The following RAPGEF5 variants were observed in gnomAD, a reference collection of about 807,000 sequenced individuals.
RAPGEF5 encodes the protein Rap guanine nucleotide exchange factor 5.
Under a neutral mutation model 125.2 loss-of-function variants are expected in RAPGEF5, and 65 were observed. That is an observed-to-expected ratio of 0.52 (90% CI 0.43 to 0.64). The LOEUF (loss-of-function observed/expected upper bound fraction) is 0.64, where lower values mean the gene tolerates loss of function less well. Ranked by LOEUF, RAPGEF5 falls within the 30% of genes least tolerant of loss-of-function variation. The pLI is 0.00. For synonymous variants in RAPGEF5, 391 were observed against 385.9 expected (o/e 1.01, Z -0.16); for missense variants, 958 against 1,048.1 (o/e 0.91, Z 1.19).
Position 22,344,203 on chromosome 7 carries a change from C to T in RAPGEF5, c.231+12627G>A, listed in dbSNP as rs529748528. The stretch of plus-strand genomic sequence containing the variant: ...GCCTTGCCATCATACTTGCCAGTGC[C>T]CATTCTGTTCACGAGTTTCTTCTCA... On this transcript the variant is annotated intron_variant, in intron 1 of 25. Coordinates refer to ENST00000665637, the MANE Select transcript of RAPGEF5 (RefSeq NM_012294.5). 3.3e-5 allele frequency among the ~76,000 whole-genome samples: 5 copies of T among 152,244 alleles called. No homozygotes were observed. In the East Asian group the frequency reaches 5.8e-4, roughly 18 times the overall value.
At chr7:22,249,284 C>G (rs1297970865) in intron 7 of RAPGEF5, among the ~76,000 whole-genome samples, 2 of 152,116 alleles carry the variant, frequency 1.3e-5, no homozygotes. Flanking sequence ...CTCAGCGTCC[C>G]AGGTTTCAAG....
chr7:22,145,760 T>C (rs1326407234), intron 19 of RAPGEF5, among the ~76,000 whole-genome samples: 1 of 152,170 alleles, frequency 6.6e-6, no homozygotes, highest in Non-Finnish European at 1.5e-5. Flanking sequence ...TTCTAACAAG[T>C]GCCCAAGTCC....
At chr7:22,209,523 AC>A (rs1180401817) in intron 9 of RAPGEF5, among the ~76,000 whole-genome samples, 1 of 152,030 alleles carries the variant, frequency 6.6e-6, no homozygotes, top group Non-Finnish European at 1.5e-5. Context: ...CTTCCCCCCC[AC>A]CATTTTTAGA....
intron 17 of RAPGEF5, among the ~76,000 whole-genome samples, chr7:22,150,983 T>C (rs138493263): frequency 2.7e-3 from 407 of 152,372 alleles, no homozygotes; most frequent in African/African-American, 8.6e-3. Flanking sequence ...CATAGTTTTA[T>C]ATTCTCATAT....
intron 17 of RAPGEF5, 117 bp from the exon 18 acceptor site, chr7:22,150,621 A>G: frequency 7.4e-7 from 1 of 1,345,526 alleles, no homozygotes; most frequent in Non-Finnish European, 9.7e-7. Context: ...CTTAAAAGTA[A>G]ATAGAACTTA....
intron 7 of RAPGEF5, among the ~76,000 whole-genome samples, chr7:22,262,732 C>T (rs1562495355): frequency 6.6e-6 from 1 of 151,942 alleles, no homozygotes; most frequent in African/African-American, 2.4e-5. Flanking sequence ...ATTCATGCCA[C>T]GGAACACTAT....
rs1783568513 is a variant in RAPGEF5 at position 22,315,436 on chromosome 7, C to T, written c.323G>A (p.Arg108Lys). Residue 108 changes from arginine to lysine, a missense_variant, in exon 3 of 26, where the codon AGG becomes AAG. Physicochemically the swap from Arg to Lys is conservative, Grantham distance 26. Coordinates refer to ENST00000665637, the MANE Select transcript of RAPGEF5 (RefSeq NM_012294.5). Reference protein sequence around the residue: ...ENSSCAGRALRNIIIVQAADL... With the variant: ...ENSSCAGRALKNIIIVQAADL... Reference sequence around the variant, plus strand: ...AGCTGCTTGAACGATAATAATATTCCTCAATGCTCTTCCTGCACAAGAAGA... The same window carrying T: ...AGCTGCTTGAACGATAATAATATTCTTCAATGCTCTTCCTGCACAAGAAGA... 4.6e-6 allele frequency: 7 copies of T among 1,527,838 alleles called. No individual in the cohort carries two copies. Among genetic ancestry groups the T allele is most frequent in the Non-Finnish European group, 5.3e-6 (6 of 1,138,606 alleles). The allele number at this position is 1,527,838 out of a possible 1,614,324, so 94.6% of individuals were successfully genotyped here.
intron 25 of RAPGEF5, among the ~76,000 whole-genome samples, chr7:22,124,359 T>C (rs1336580282): frequency 6.6e-6 from 1 of 152,230 alleles, no homozygotes; most frequent in Non-Finnish European, 1.5e-5. Flanking sequence ...TGATTACTAT[T>C]TTTATTGTAA....
intron 11 of RAPGEF5, among the ~76,000 whole-genome samples, chr7:22,187,062 G>A (rs907951478): frequency 2.0e-4 from 31 of 152,152 alleles, no homozygotes; most frequent in Non-Finnish European, 3.4e-4. Flanking sequence ...TTAATACCCC[G>A]TTAACATTCT....
chr7:22,259,323 T>G (rs1466088676), intron 7 of RAPGEF5, among the ~76,000 whole-genome samples: 1 of 152,208 alleles, frequency 6.6e-6, no homozygotes, highest in Non-Finnish European at 1.5e-5. Flanking sequence ...AAGGGCCTAC[T>G]AGAATGGCCA....
intron 7 of RAPGEF5, among the ~76,000 whole-genome samples, chr7:22,238,063 A>T (rs1786237804): frequency 6.6e-6 from 1 of 152,134 alleles, no homozygotes; most frequent in South Asian, 2.1e-4. Context: ...CTGACATGGG[A>T]GCAGGAAGTA....
chr7:22,338,113 T>C (rs181618559), intron 1 of RAPGEF5, among the ~76,000 whole-genome samples: 2 of 152,258 alleles, frequency 1.3e-5, no homozygotes, highest in Admixed American at 6.5e-5. Context: ...GCATTTCATT[T>C]GAACTAGTGG....
At chr7:22,144,890 T>C (rs1783380257) in intron 20 of RAPGEF5, among the ~76,000 whole-genome samples, 154 bp downstream of exon 20, 1 of 152,218 alleles carries the variant, frequency 6.6e-6, no homozygotes, top group South Asian at 2.1e-4. Flanking sequence ...AAGACATAAA[T>C]ATTCAAAATT....
intron 11 of RAPGEF5, among the ~76,000 whole-genome samples, chr7:22,176,789 C>A (rs764998964): frequency 2.0e-5 from 3 of 152,194 alleles, no homozygotes; most frequent in Non-Finnish European, 4.4e-5. Context: ...CCTCGGCCTC[C>A]CAAAGTGCTG....
chr7:22,136,988 A>C lies in RAPGEF5; in HGVS notation c.2278-5T>G, dbSNP rs754028084. On this transcript the variant is annotated splice_region_variant and splice_polypyrimidine_tract_variant and intron_variant, in intron 21 of 25. Coordinates refer to ENST00000665637, the MANE Select transcript of RAPGEF5 (RefSeq NM_012294.5). ...CTTAAACTTCCCAGGGATTTTCTAA[A>C]AAACAAACACAAACAAAAAACAGAA... 6.4e-7 allele frequency: 1 copy of C among 1,571,388 alleles called. No homozygotes were observed. The highest frequency in any genetic ancestry group is 2.3e-5 in the East Asian group (1 of 44,102).
chr7:22,240,376 GTTGT>G (rs1786299356), intron 7 of RAPGEF5, among the ~76,000 whole-genome samples: 2 of 150,882 alleles, frequency 1.3e-5, no homozygotes, highest in Non-Finnish European at 1.5e-5. Flanking sequence ...ACTTTTTTCG[GTTGT>G]TTGTTTTTTG....
At chr7:22,326,986 T>A (rs1430845015) in intron 1 of RAPGEF5, among the ~76,000 whole-genome samples, 1 of 152,212 alleles carries the variant, frequency 6.6e-6, no homozygotes, top group Non-Finnish European at 1.5e-5. Context: ...TATGTACAGC[T>A]TTTTGTATGT....
At chr7:22,344,350 A>G (rs1004719213) in intron 1 of RAPGEF5, among the ~76,000 whole-genome samples, 1 of 152,198 alleles carries the variant, frequency 6.6e-6, no homozygotes, top group African/African-American at 2.4e-5. Context: ...CAGAGGCCCA[A>G]GGAGATGCTA....
intron 11 of RAPGEF5, among the ~76,000 whole-genome samples, chr7:22,189,269 A>G (rs541721749): frequency 1.5e-3 from 224 of 152,332 alleles, no homozygotes; most frequent in Non-Finnish European, 2.7e-3. Context: ...GACCTGTCGT[A>G]ACACAGATTC....
Sources: gnomAD v4.1 joint callset for allele counts (sites outside exome capture counted in the v4.1 genomes callset) on GRCh38, gnomAD v4.1.1 for gene constraint, MANE v1.5 for transcripts, NCBI Gene and HGNC (gene_info 2026-07-23, HGNC 2026-07-21) for gene names.